The following FAM91A1 variants were observed in gnomAD, a reference collection of about 807,000 sequenced individuals.
The protein encoded by FAM91A1 is family with sequence similarity 91 member A1.
FAM91A1 carries 41 observed loss-of-function variants against 113.5 expected under a neutral mutation model. That is an observed-to-expected ratio of 0.36 (90% confidence interval 0.28 to 0.47). The LOEUF is 0.47. Ranked by LOEUF, FAM91A1 falls within the 20% of genes least tolerant of loss-of-function variation. The pLI, the probability that FAM91A1 is intolerant of heterozygous loss-of-function variation, is 1.00. For missense variants in FAM91A1, 696 were observed against 1,001.2 expected (o/e 0.70, Z 4.11); for synonymous variants, 307 against 347.9 (o/e 0.88, Z 1.31).
intron 9 of FAM91A1, chr8:123,784,797 T>C: frequency 2.3e-6 from 1 of 428,280 alleles, no homozygotes; most frequent in Non-Finnish European, 4.0e-6. Flanking sequence ...TGACTTTTTG[T>C]ACTAAAGTAT....
chr8:123,781,416 G>C (rs1406385272), intron 8 of FAM91A1, among the ~76,000 whole-genome samples: 2 of 151,496 alleles, frequency 1.3e-5, no homozygotes, highest in Non-Finnish European at 2.9e-5. Flanking sequence ...CCAGACCTTT[G>C]GGTTGGCATA....
In FAM91A1 at chr8:123,768,644, C is replaced by A. The variant is rs1017844510; in HGVS notation, c.-59C>A. 2.5e-5 allele frequency: 36 copies of A among 1,454,516 alleles called. No homozygotes were observed. The African/African-American group carries it at 4.6e-4, about 19-fold the overall frequency. The allele number at this position is 1,454,516 out of a possible 1,614,324, so 90.1% of individuals were successfully genotyped here. A position where few individuals can be genotyped will look rare whatever the true frequency, so the allele number is the denominator to read the frequency against. On this transcript the variant is annotated 5_prime_UTR_variant, in exon 1 of 24. Transcript: ENST00000334705. ...CGCTGACAGGCTGCGGGCGGGCAGG[C>A]GGGAGGCGTAGTGTGGGTCGCGGTG...
intron 14 of FAM91A1, among the ~76,000 whole-genome samples, chr8:123,788,496 A>G (rs1318458332): frequency 6.6e-6 from 1 of 151,888 alleles, no homozygotes; most frequent in Non-Finnish European, 1.5e-5. Context: ...AGACTGTAAC[A>G]TTTTTCACTG....
chr8:123,812,809 C>G lies in FAM91A1; in HGVS notation c.*105C>G. 1.1e-6 allele frequency: 1 copy of G among 939,016 alleles called. No individual in the cohort carries two copies. The highest frequency in any genetic ancestry group is 1.5e-6 in the Non-Finnish European group (1 of 672,080). The allele number at this position is 939,016 out of a possible 1,614,324, so 58.2% of individuals were successfully genotyped here. Reference sequence around the variant, plus strand: ...AGCATCCTGCTGCTGCAGTGCAATTCTTGCTTAACTAATATTAAAAGTTGG... The same window carrying G: ...AGCATCCTGCTGCTGCAGTGCAATTGTTGCTTAACTAATATTAAAAGTTGG... On this transcript the variant is annotated 3_prime_UTR_variant, in exon 24 of 24. Coordinates refer to ENST00000334705, the MANE Select transcript of FAM91A1 (RefSeq NM_144963.4).
In FAM91A1 at chr8:123,768,645, G is replaced by C. The variant is rs972192090; in HGVS notation, c.-58G>C. On this transcript the variant is annotated 5_prime_UTR_variant, in exon 1 of 24. Coordinates refer to ENST00000334705, the MANE Select transcript of FAM91A1 (RefSeq NM_144963.4). ...GCTGACAGGCTGCGGGCGGGCAGGC[G>C]GGAGGCGTAGTGTGGGTCGCGGTGG... 3.9e-5 allele frequency: 57 copies of C among 1,463,858 alleles called. No homozygotes were observed. In the African/African-American group the frequency reaches 5.3e-4, roughly 14 times the overall value. 90.7% of individuals were successfully genotyped at this position (1,463,858 alleles called of 1,614,324 possible).
intron 23 of FAM91A1, 125 bp downstream of exon 23, chr8:123,810,476 A>G (rs1194892539): frequency 4.2e-6 from 4 of 947,638 alleles, no homozygotes; most frequent in South Asian, 1.4e-5. Context: ...TTATTGTACA[A>G]ATGAAGACAT....
intron 17 of FAM91A1, 56 bp downstream of exon 17, chr8:123,799,710 T>C: frequency 6.2e-7 from 1 of 1,606,340 alleles, no homozygotes. Flanking sequence ...GTATGCTAGA[T>C]AATTTCTTAA....
rs887363138 is a variant in FAM91A1, at chr8:123,785,178, A to G, written c.849+59A>G. Reference sequence around the variant, plus strand: ...TGATAACTGAGTGGATTTTACTAGTAGATTTTTATCTTGATAAGCTACTGA... The same window carrying G: ...TGATAACTGAGTGGATTTTACTAGTGGATTTTTATCTTGATAAGCTACTGA... On this transcript the variant is annotated intron_variant, in intron 10 of 23. Coordinates refer to ENST00000334705, the MANE Select transcript of FAM91A1 (RefSeq NM_144963.4). The G allele has an allele frequency of 5.2e-6, 7 of 1,341,210 alleles. No individual in the cohort carries two copies. In the East Asian group the frequency reaches 1.5e-4, roughly 28 times the overall value. The allele number at this position is 1,341,210 out of a possible 1,614,324, so 83.1% of individuals were successfully genotyped here.
chr8:123,808,844 A>T (rs1304112740), intron 21 of FAM91A1, 49 bp from the exon 22 acceptor site: 1 of 1,483,846 alleles, frequency 6.7e-7, no homozygotes, highest in Non-Finnish European at 9.1e-7. Flanking sequence ...TAATATATAC[A>T]TAAGTAGATA....
chr8:123,771,626 A>G (rs1814840400), intron 1 of FAM91A1, among the ~76,000 whole-genome samples: 1 of 152,200 alleles, frequency 6.6e-6, no homozygotes, highest in Non-Finnish European at 1.5e-5. Context: ...GTAGTTTACC[A>G]CTATCTTGTA....
At chr8:123,777,074 C>G (rs1815002158) in intron 3 of FAM91A1, among the ~76,000 whole-genome samples, 191 bp from the exon 4 acceptor site, 1 of 152,044 alleles carries the variant, frequency 6.6e-6, no homozygotes, top group African/African-American at 2.4e-5. Flanking sequence ...GAAAATCTGC[C>G]CTTTAATTAC....
At chr8:123,791,407 TC>T (rs1269310515) in intron 15 of FAM91A1, among the ~76,000 whole-genome samples, 2 of 152,104 alleles carry the variant, frequency 1.3e-5, no homozygotes, top group Non-Finnish European at 2.9e-5. Flanking sequence ...CTAAATTTTT[TC>T]CCCATGAATA....
intron 18 of FAM91A1, among the ~76,000 whole-genome samples, chr8:123,801,338 A>AT (rs1447459935): frequency 6.6e-6 from 1 of 152,222 alleles, no homozygotes. Flanking sequence ...AGATGGCAAT[A>AT]TCTATTGTAT....
chr8:123,812,374 C>A, intron 23 of FAM91A1, 145 bp from the exon 24 acceptor site: 5 of 561,202 alleles, frequency 8.9e-6, no homozygotes, highest in Non-Finnish European at 1.5e-5. Flanking sequence ...GCTTTGGGCT[C>A]ACAGTGTAGA....
chr8:123,784,618 G>A (rs1043559493), intron 9 of FAM91A1, 42 bp downstream of exon 9: 4 of 1,415,806 alleles, frequency 2.8e-6, no homozygotes, highest in East Asian at 2.4e-5. Context: ...TCTCAAGATT[G>A]TAAGTTTGTG....
intron 18 of FAM91A1, among the ~76,000 whole-genome samples, chr8:123,801,276 G>A (rs947547976): frequency 6.6e-6 from 1 of 152,190 alleles, no homozygotes; most frequent in Non-Finnish European, 1.5e-5. Context: ...TTATTGGGCT[G>A]TGTGACATTT....
intron 3 of FAM91A1, among the ~76,000 whole-genome samples, chr8:123,776,710 A>G (rs1814991162): frequency 6.6e-6 from 1 of 152,180 alleles, no homozygotes; most frequent in Non-Finnish European, 1.5e-5. Flanking sequence ...ATCATTGGGT[A>G]TAGTTCCTCG....
At position 123,805,141 on chromosome 8, in the gene FAM91A1, G is replaced by T. The variant is rs73703665; in HGVS notation, c.1810-126G>T. ...TGCTGAAGAAAAATAGAAAATTGTT[G>T]AAAGAATTTTGATGAGGTATTAATA... On this transcript the variant is annotated intron_variant, in intron 18 of 23. Transcript: ENST00000334705. 7,894 of 683,862 alleles carry T rather than the reference G, an allele frequency of 0.012. 445 individuals are homozygous for T. The African/African-American group carries it at 0.13, about 11-fold the overall frequency. 42.4% of individuals were successfully genotyped at this position (683,862 alleles called of 1,614,324 possible). A position where few individuals can be genotyped will look rare whatever the true frequency, so the allele number is the denominator to read the frequency against.
At position 123,806,180 on chromosome 8, in the gene FAM91A1, T is replaced by C. The variant is rs1446707219; in HGVS notation, c.1983T>C (p.Ala661=). 1 of 1,613,514 alleles carries C rather than the reference T, an allele frequency of 6.2e-7. No individual in the cohort carries two copies. The highest frequency in any genetic ancestry group is 8.5e-7 in the Non-Finnish European group (1 of 1,179,608). The change falls in exon 20 of 24, where the codon GCT becomes GCC. Residue 661 remains alanine, a synonymous_variant. Transcript: ENST00000334705. ...GTGGATATGTCACCATGTTGAATGC[T>C]TCCAGCCAACTTGCAGATAGAAAAC... is the stretch of plus-strand genomic sequence containing the variant. The part of the protein sequence containing the change: ...HLCGYVTMLN[A]SSQLADRKLS...
Sources: allele counts gnomAD v4.1 joint callset (sites outside exome capture counted in the v4.1 genomes callset), GRCh38; gene constraint gnomAD v4.1.1; transcripts MANE v1.5; gene names NCBI Gene and HGNC (gene_info 2026-07-23, HGNC 2026-07-21).